The following SBF2 variants were observed in gnomAD, a reference collection of about 807,000 sequenced individuals.
The protein encoded by SBF2 is SET binding factor 2, also known as myotubularin-related protein 13.
SBF2 carries 112 observed loss-of-function variants against 225.2 expected under a neutral mutation model. The observed-to-expected ratio is 0.50, with a 90% CI of 0.43 to 0.58. SBF2 has a LOEUF of 0.58. Among genes scored for constraint, SBF2 ranks in the 20% least tolerant of loss-of-function variants. SBF2 has a pLI of 0.00. For synonymous variants in SBF2, 763 were observed against 773.3 expected, an observed-to-expected ratio of 0.99 and a Z score of 0.22; for missense variants, 1,996 against 2,206.2, an observed-to-expected ratio of 0.90 and a Z score of 1.91.
intron 2 of SBF2, among the ~76,000 whole-genome samples, chr11:10,190,961 C>T (rs891922490): frequency 6.6e-6 from 1 of 152,200 alleles, no homozygotes; most frequent in African/African-American, 2.4e-5. Context: ...TGAATCCTAG[C>T]TCTGCTGTAT....
upstream of SBF2, among the ~76,000 whole-genome samples, chr11:10,295,697 T>C (rs976925734): frequency 6.6e-6 from 1 of 152,154 alleles, no homozygotes; most frequent in African/African-American, 2.4e-5. Context: ...CTTACTTCCT[T>C]GGGAGGCAGC....
intron 16 of SBF2, chr11:9,956,660 G>A (rs894441910): frequency 6.7e-6 from 1 of 149,076 alleles, no homozygotes; most frequent in Non-Finnish European, 1.5e-5. Context: ...GGAGTTGTCT[G>A]ACTTTGAGCA....
intron 17 of SBF2, among the ~76,000 whole-genome samples, chr11:9,866,855 A>T (rs564789546): frequency 6.6e-6 from 1 of 152,224 alleles, no homozygotes; most frequent in Admixed American, 6.5e-5. Flanking sequence ...ATTAATAACC[A>T]GAGTATACAA....
chr11:10,278,944 C>A (rs750399096), intron 1 of SBF2, among the ~76,000 whole-genome samples: 13 of 151,398 alleles, frequency 8.6e-5, no homozygotes, highest in Non-Finnish European at 1.6e-4. Context: ...TAAAACTATT[C>A]AAAAAGTTAT....
At chr11:10,108,657 T>C (rs1396285216) in intron 2 of SBF2, among the ~76,000 whole-genome samples, 1 of 151,136 alleles carries the variant, frequency 6.6e-6, no homozygotes, top group Non-Finnish European at 1.5e-5. Flanking sequence ...CCCGAGTAGC[T>C]GGGACTACAG....
At chr11:9,944,048 A>C (rs984391909) in intron 16 of SBF2, among the ~76,000 whole-genome samples, 2 of 152,258 alleles carry the variant, frequency 1.3e-5, no homozygotes, top group Non-Finnish European at 1.5e-5. Context: ...CCGTAACTAC[A>C]TGAAGCAACA....
chr11:9,788,697 C>A (rs1852537434), intron 35 of SBF2, among the ~76,000 whole-genome samples: 1 of 151,274 alleles, frequency 6.6e-6, no homozygotes, highest in Admixed American at 6.6e-5. Context: ...CAGGTTCATG[C>A]CATTCTCCTG....
chr11:10,263,309 A>T (rs1224434208), intron 1 of SBF2, among the ~76,000 whole-genome samples: 4 of 152,064 alleles, frequency 2.6e-5, no homozygotes, highest in Non-Finnish European at 5.9e-5. Flanking sequence ...TGAAGCTGGA[A>T]GTATCAGATA....
In SBF2 at chr11:9,850,313, T is replaced by C. The variant is rs1283926112; in HGVS notation, c.2611-95A>G. On this transcript the variant is annotated intron_variant, in intron 21 of 39. Coordinates refer to ENST00000256190, the MANE Select transcript of SBF2 (RefSeq NM_030962.4). ...CTCTGTTGCCCAGCCTAGAATACAG[T>C]AGTGCAATCATAGTTCACTGCAGCA... 5.3e-6 allele frequency: 6 copies of C among 1,122,856 alleles called. No homozygotes were observed. The East Asian group carries it at 1.4e-4, about 27-fold the overall frequency. The allele number at this position is 1,122,856 out of a possible 1,614,324, so 69.6% of individuals were successfully genotyped here.
At chr11:10,138,782 G>A (rs753202559) in intron 2 of SBF2, among the ~76,000 whole-genome samples, 2 of 151,884 alleles carry the variant, frequency 1.3e-5, no homozygotes, top group Non-Finnish European at 2.9e-5. Flanking sequence ...TTCCATGGTG[G>A]TGAGAGAACA....
rs150317274 is a variant in SBF2 at position 10,213,047 on chromosome 11, C to CAA, written c.56-19062_56-19061dup. On this transcript the variant is annotated intron_variant, in intron 1 of 39. Transcript: ENST00000256190. ...TTGGCGACAGAGCAAGACTCTGTCTCAAAAAAAAAAAAAAGTTCTGTTACT... is the reference window on the plus strand; with the variant it reads ...TTGGCGACAGAGCAAGACTCTGTCTCAAAAAAAAAAAAAAAAGTTCTGTTACT... 1.6e-4 allele frequency among the ~76,000 whole-genome samples: 21 copies of CAA among 134,102 alleles called. No individual in the cohort carries two copies. The East Asian group carries it at 2.4e-3, about 15-fold the overall frequency. The allele number at this position is 134,102 out of a possible 152,430, so 88.0% of individuals were successfully genotyped here. A position where few individuals can be genotyped will look rare whatever the true frequency, so the allele number is the denominator to read the frequency against.
At chr11:10,161,472 C>G (rs1955732666) in intron 2 of SBF2, among the ~76,000 whole-genome samples, 1 of 152,172 alleles carries the variant, frequency 6.6e-6, no homozygotes, top group Non-Finnish European at 1.5e-5. Context: ...CTAGCTGAAG[C>G]CTGCACTGTT....
intron 1 of SBF2, among the ~76,000 whole-genome samples, chr11:10,201,977 A>G (rs1018936079): frequency 2.6e-5 from 4 of 152,224 alleles, no homozygotes; most frequent in African/African-American, 7.2e-5. Flanking sequence ...ATCCTTATAA[A>G]CTCACAGTTC....
At chr11:9,883,196 C>G (rs1321344924) in intron 17 of SBF2, among the ~76,000 whole-genome samples, 3 of 152,032 alleles carry the variant, frequency 2.0e-5, no homozygotes, top group Non-Finnish European at 1.5e-5. Context: ...ATTTTACAAC[C>G]TGGCATCAAA....
chr11:10,252,902 T>C (rs1003862789), intron 1 of SBF2, among the ~76,000 whole-genome samples: 2 of 151,978 alleles, frequency 1.3e-5, no homozygotes, highest in African/African-American at 4.8e-5. Flanking sequence ...TCACTTCCGA[T>C]TTCTCTATGT....
rs528259163 is a variant in SBF2, at chr11:10,059,521, C to T, written c.142-16540G>A. Among the ~76,000 whole-genome samples, 13 of 152,200 alleles carry T rather than the reference C, an allele frequency of 8.5e-5. No individual in the cohort carries two copies. In the South Asian group the frequency reaches 2.7e-3, roughly 32 times the overall value. On this transcript the variant is annotated intron_variant, in intron 2 of 39. Transcript: ENST00000256190. ...TCAGGACCTAAACTCAGCATTGGAC[C>T]AAATGGATCTCATAGACCTTTACAG...
chr11:9,895,996 C>A lies in SBF2; in HGVS notation c.1876G>T (p.Glu626Ter). ...NCTLQDCSSL[E>*]EYNIAAALLP... ...AATGCTGCGGCAATGTTGTATTCTT[C>A]TAAACTTGAACAATCCTTTAAGCAA... The change falls in exon 17 of 40, where the codon GAA becomes TAA. Residue 626 changes from glutamate (E) to a stop codon, truncating the protein, a stop_gained. Coordinates refer to ENST00000256190, the MANE Select transcript of SBF2 (RefSeq NM_030962.4). LOFTEE classifies it high-confidence loss of function. 6.2e-7 allele frequency: 1 copy of A among 1,613,108 alleles called. No individual in the cohort carries two copies. The highest frequency in any genetic ancestry group is 8.5e-7 in the Non-Finnish European group (1 of 1,179,330).
intron 16 of SBF2, among the ~76,000 whole-genome samples, chr11:9,930,980 C>T (rs1325663893): frequency 6.6e-6 from 1 of 152,276 alleles, no homozygotes; most frequent in Admixed American, 6.5e-5. Context: ...CCCATGTCCA[C>T]AGAGCCTTGC....
intron 3 of SBF2, among the ~76,000 whole-genome samples, chr11:10,032,657 C>T (rs1455631569): frequency 3.9e-5 from 6 of 152,194 alleles, no homozygotes; most frequent in Non-Finnish European, 5.9e-5. Context: ...GCATTTGTTA[C>T]TATCCAACAT....
Sources: gnomAD v4.1 joint callset for allele counts (sites outside exome capture counted in the v4.1 genomes callset) on GRCh38, gnomAD v4.1.1 for gene constraint, MANE v1.5 for transcripts, NCBI Gene and HGNC (gene_info 2026-07-23, HGNC 2026-07-21) for gene names.